Variants in SRBD1 observed in about 807,000 individuals in gnomAD.
The protein encoded by SRBD1 is S1 RNA binding domain 1.
Under a neutral mutation model 115.3 loss-of-function variants are expected in SRBD1, and 88 were observed. The observed-to-expected ratio is 0.76, with a 90% CI of 0.64 to 0.91. SRBD1 has a LOEUF of 0.91. Ranked by LOEUF, SRBD1 falls within the 40% of genes least tolerant of loss-of-function variation. SRBD1 has a pLI of 0.00. For synonymous variants in SRBD1, 509 were observed against 407.7 expected, an observed-to-expected ratio of 1.25 and a Z score of -2.99; for missense variants, 1,385 against 1,177.4, an observed-to-expected ratio of 1.18 and a Z score of -2.58.
At chr2:45,576,984 A>G (rs1673198516) in intron 7 of SRBD1, among the ~76,000 whole-genome samples, 1 of 152,216 alleles carries the variant, frequency 6.6e-6, no homozygotes, top group South Asian at 2.1e-4. Flanking sequence ...AGTGTAGTCC[A>G]AGGACCCAAA....
At chr2:45,577,758 T>G (rs1490962049) in intron 7 of SRBD1, among the ~76,000 whole-genome samples, 3 of 151,902 alleles carry the variant, frequency 2.0e-5, no homozygotes, top group Non-Finnish European at 4.4e-5. Context: ...TTAAGGATGA[T>G]CATGATTGTG....
intron 16 of SRBD1, among the ~76,000 whole-genome samples, chr2:45,467,965 G>A (rs556540456): frequency 1.3e-5 from 2 of 152,132 alleles, no homozygotes; most frequent in East Asian, 3.9e-4. Context: ...TTTAACAAAA[G>A]TTACAGAGTA....
At chr2:45,487,661 T>C (rs751267618) in intron 15 of SRBD1, among the ~76,000 whole-genome samples, 1 of 152,072 alleles carries the variant, frequency 6.6e-6, no homozygotes, top group Non-Finnish European at 1.5e-5. Context: ...TTATTATTAC[T>C]AGTATTATTA....
chr2:45,407,772 C>A (rs1418907529), intron 19 of SRBD1, among the ~76,000 whole-genome samples: 1 of 151,980 alleles, frequency 6.6e-6, no homozygotes, highest in African/African-American at 2.4e-5. Flanking sequence ...AAAAACATAA[C>A]ATTATAAGCA....
chr2:45,575,889 T>C (rs1413338039), intron 7 of SRBD1, among the ~76,000 whole-genome samples: 1 of 152,026 alleles, frequency 6.6e-6, no homozygotes, highest in Admixed American at 6.5e-5. Flanking sequence ...TTTTTAGTAG[T>C]GACGGGCTTT....
chr2:45,436,409 G>A (rs1668500017), intron 16 of SRBD1, among the ~76,000 whole-genome samples: 1 of 152,144 alleles, frequency 6.6e-6, no homozygotes, highest in African/African-American at 2.4e-5. Flanking sequence ...ACCACCTAAT[G>A]CAGTAAGAAA....
intron 19 of SRBD1, among the ~76,000 whole-genome samples, chr2:45,395,721 C>T (rs1387681297): frequency 2.6e-5 from 4 of 152,080 alleles, no homozygotes; most frequent in African/African-American, 4.8e-5. Flanking sequence ...AACTGTAAAA[C>T]GAACTGGGAA....
chr2:45,591,576 C>G (rs997927698), intron 4 of SRBD1, among the ~76,000 whole-genome samples: 1 of 152,128 alleles, frequency 6.6e-6, no homozygotes, highest in African/African-American at 2.4e-5. Flanking sequence ...GTGTGAAGAT[C>G]AGGTGAGAAA....
At chr2:45,425,216 G>A (rs978670138) in intron 16 of SRBD1, among the ~76,000 whole-genome samples, 1 of 152,134 alleles carries the variant, frequency 6.6e-6, no homozygotes, top group African/African-American at 2.4e-5. Flanking sequence ...GCAAGACTGA[G>A]ACAATGAAAA....
At chr2:45,493,869 A>G (rs912651947) in intron 14 of SRBD1, among the ~76,000 whole-genome samples, 7 of 152,136 alleles carry the variant, frequency 4.6e-5, no homozygotes, top group Non-Finnish European at 7.3e-5. Context: ...GACATACGGA[A>G]ACAAGCAGAA....
chr2:45,519,061 C>G (rs1326896343), intron 14 of SRBD1, among the ~76,000 whole-genome samples: 3 of 151,544 alleles, frequency 2.0e-5, no homozygotes, highest in Non-Finnish European at 4.4e-5. Flanking sequence ...AGACAAAAAG[C>G]TGTAACAAAA....
At chr2:45,394,376 A>C (rs758683128) in intron 19 of SRBD1, among the ~76,000 whole-genome samples, 2 of 152,166 alleles carry the variant, frequency 1.3e-5, no homozygotes, top group Non-Finnish European at 2.9e-5. Context: ...ATTTTTCTAC[A>C]CCATTAAGTT....
intron 4 of SRBD1, among the ~76,000 whole-genome samples, chr2:45,598,988 G>A (rs993361171): frequency 3.9e-5 from 6 of 152,196 alleles, no homozygotes; most frequent in African/African-American, 1.2e-4. Flanking sequence ...GGCATCTCAA[G>A]TTGGAATTCT....
chr2:45,499,503 T>C (rs1232771244), intron 14 of SRBD1, among the ~76,000 whole-genome samples: 1 of 152,186 alleles, frequency 6.6e-6, no homozygotes, highest in African/African-American at 2.4e-5. Context: ...TTTAGCTTGA[T>C]GTAATCCCAT....
At position 45,466,319 on chromosome 2, in the gene SRBD1, C is replaced by T. The variant is rs577367428; in HGVS notation, c.2049+10674G>A. Among the ~76,000 whole-genome samples the T allele has an allele frequency of 1.2e-3, 189 of 152,242 alleles. 1 individual carries two copies. Among genetic ancestry groups the T allele is most frequent in the African/African-American group, 4.5e-3 (186 of 41,556 alleles). ...CTCTGGAGCTCCTCTCCATTTTCTT[C>T]CTTAGGCTATTCCTGGAGGCATCCT... On this transcript the variant is annotated intron_variant, in intron 16 of 20. Coordinates refer to ENST00000263736, the MANE Select transcript of SRBD1 (RefSeq NM_018079.5).
intron 7 of SRBD1, among the ~76,000 whole-genome samples, chr2:45,575,672 A>G (rs1673153015): frequency 6.6e-6 from 1 of 152,220 alleles, no homozygotes; most frequent in African/African-American, 2.4e-5. Flanking sequence ...AATTATGTTT[A>G]CAGTTGACCT....
chr2:45,554,676 A>G (rs1259880766), intron 10 of SRBD1, among the ~76,000 whole-genome samples: 1 of 152,214 alleles, frequency 6.6e-6, no homozygotes, highest in African/African-American at 2.4e-5. Context: ...AACGGTCCCT[A>G]TAAACCTTAT....
Position 45,551,267 on chromosome 2 carries a change from T to C in SRBD1, c.1533A>G (p.Ser511=). The C allele has an allele frequency of 6.3e-7, 1 of 1,597,796 alleles. No individual in the cohort carries two copies. The highest frequency in any genetic ancestry group is 8.5e-7 in the Non-Finnish European group (1 of 1,176,702). Residue 511 remains serine (S), a synonymous_variant, in exon 12 of 21, where the codon TCA becomes TCG. Transcript: ENST00000263736. ...LCREFRAKLT[S]DAEKESVMMF... is the part of the protein sequence containing the mutation. ...TCATTACTGATTCCTTCTCTGCATCTGATGTTAGTTTGGCTCTTTAGAAAT... is the reference window on the plus strand; with the variant it reads ...TCATTACTGATTCCTTCTCTGCATCCGATGTTAGTTTGGCTCTTTAGAAAT...
intron 16 of SRBD1, among the ~76,000 whole-genome samples, chr2:45,446,047 C>T (rs1668814661): frequency 6.6e-6 from 1 of 152,168 alleles, no homozygotes; most frequent in Non-Finnish European, 1.5e-5. Context: ...TAAGTGGCTC[C>T]TGTCAGGCAG....
Sources: allele counts gnomAD v4.1 joint callset (sites outside exome capture counted in the v4.1 genomes callset), GRCh38; gene constraint gnomAD v4.1.1; transcripts MANE v1.5; gene names NCBI Gene and HGNC (gene_info 2026-07-23, HGNC 2026-07-21).